The following ACBD6 variants were observed in gnomAD, a reference collection of about 807,000 sequenced individuals.
The protein encoded by ACBD6 is acyl-CoA binding domain containing 6, also known as acyl-CoA-binding domain-containing protein 6.
In ACBD6, 28 loss-of-function variants were observed where a neutral mutation model predicts 37.2. The observed-to-expected ratio is 0.75, with a 90% CI of 0.56 to 1.03. The LOEUF (loss-of-function observed/expected upper bound fraction) is 1.03, where lower values mean the gene tolerates loss of function less well. Among genes scored for constraint, ACBD6 ranks in the 50% least tolerant of loss-of-function variants. ACBD6 has a pLI of 0.00. For synonymous variants in ACBD6, 113 were observed against 126.8 expected (o/e 0.89, Z 0.73); for missense variants, 340 against 337.4 (o/e 1.01, Z -0.06).
chr1:180,403,378 G>A (rs1011817410), intron 5 of ACBD6, among the ~76,000 whole-genome samples: 4 of 152,096 alleles, frequency 2.6e-5, no homozygotes, highest in African/African-American at 9.7e-5. Context: ...CTGAATTCTA[G>A]TTAGTTATAC....
chr1:180,432,221 T>A (rs1003809579), intron 3 of ACBD6, among the ~76,000 whole-genome samples: 2 of 150,732 alleles, frequency 1.3e-5, no homozygotes, highest in African/African-American at 2.4e-5. Flanking sequence ...AAAAAAAAAA[T>A]TTATAATCCA....
At chr1:180,289,001 A>T (rs568702443) in intron 7 of ACBD6, among the ~76,000 whole-genome samples, 1 of 151,744 alleles carries the variant, frequency 6.6e-6, no homozygotes, top group South Asian at 2.1e-4. Context: ...TTTAAAAAAA[A>T]GCTGGCCCAG....
At chr1:180,435,963 T>G in intron 3 of ACBD6, 1 of 1,159,012 alleles carries the variant, frequency 8.6e-7, no homozygotes, top group Non-Finnish European at 1.3e-6. Flanking sequence ...GTACAATTGT[T>G]TAATTTTAAA....
At chr1:180,448,678 T>C (rs1309250449) in intron 3 of ACBD6, among the ~76,000 whole-genome samples, 1 of 152,206 alleles carries the variant, frequency 6.6e-6, no homozygotes, top group Admixed American at 6.5e-5. Context: ...CAGCCATGAA[T>C]TGAAGTGCAT....
chr1:180,379,465 G>C (rs1653561393), intron 6 of ACBD6, among the ~76,000 whole-genome samples: 1 of 152,050 alleles, frequency 6.6e-6, no homozygotes, highest in African/African-American at 2.4e-5. Flanking sequence ...AATAAGCTCA[G>C]TGAAATACAA....
chr1:180,364,148 G>A (rs1290852077), intron 6 of ACBD6, among the ~76,000 whole-genome samples: 2 of 152,036 alleles, frequency 1.3e-5, no homozygotes, highest in Non-Finnish European at 2.9e-5. Flanking sequence ...GGCTAATATT[G>A]GGCTAATATA....
At chr1:180,433,071 C>T (rs1157160135) in intron 3 of ACBD6, among the ~76,000 whole-genome samples, 1 of 152,112 alleles carries the variant, frequency 6.6e-6, no homozygotes, top group Non-Finnish European at 1.5e-5. Context: ...GTCTTATCCT[C>T]ACATCAAAGC....
At chr1:180,395,467 T>C (rs539782688) in intron 6 of ACBD6, among the ~76,000 whole-genome samples, 3 of 151,384 alleles carry the variant, frequency 2.0e-5, no homozygotes, top group African/African-American at 7.3e-5. Flanking sequence ...TGTTGTGTGA[T>C]TTTTTTTTAT....
At chr1:180,453,437 A>ATTGCCCAT in intron 3 of ACBD6, among the ~76,000 whole-genome samples, 1 of 152,240 alleles carries the variant, frequency 6.6e-6, no homozygotes, top group Middle Eastern at 3.2e-3. Flanking sequence ...CACAGCCAAT[A>ATTGCCCAT]TCATATTGAA....
chr1:180,278,119 G>A (rs916022484), intron 9 of ACBD6: 7 of 152,134 alleles, frequency 4.6e-5, no homozygotes, highest in African/African-American at 1.2e-4. Flanking sequence ...CACGTGCCAC[G>A]ACTGACAACT....
At position 180,369,429 on chromosome 1, in the gene ACBD6, TGGAAG is replaced by T. The variant is rs1266840170; in HGVS notation, c.663+28082_663+28086del. 3.5e-4 allele frequency among the ~76,000 whole-genome samples: 53 copies of T among 152,278 alleles called. No homozygotes were observed. The East Asian group carries it at 8.1e-3, about 23-fold the overall frequency. On this transcript the variant is annotated intron_variant, in intron 6 of 7. Coordinates refer to ENST00000367595, the MANE Select transcript of ACBD6 (RefSeq NM_032360.4). ...TATATAAAGTCCACTGCATAACTGA[TGGAAG>T]ATGTGATTTTAAAAGTACTAAGCAG...
chr1:180,478,302 A>G (rs1267176098), intron 3 of ACBD6, among the ~76,000 whole-genome samples: 3 of 152,200 alleles, frequency 2.0e-5, no homozygotes, highest in Non-Finnish European at 4.4e-5. Flanking sequence ...ACACAAAATA[A>G]GCATAATTGA....
At chr1:180,338,739 A>G (rs1243081097) in intron 6 of ACBD6, among the ~76,000 whole-genome samples, 1 of 152,232 alleles carries the variant, frequency 6.6e-6, no homozygotes, top group Non-Finnish European at 1.5e-5. Context: ...CAGAGTGAAT[A>G]GGCAACCTAC....
At chr1:180,287,878 T>C (rs1264484047), downstream of ACBD6, among the ~76,000 whole-genome samples, 1 of 152,196 alleles carries the variant, frequency 6.6e-6, no homozygotes, top group East Asian at 1.9e-4. Context: ...TTAACATCCC[T>C]CTTCTTTCCT....
At chr1:180,425,977 T>G (rs1205267104) in intron 4 of ACBD6, among the ~76,000 whole-genome samples, 1 of 152,220 alleles carries the variant, frequency 6.6e-6, no homozygotes, top group African/African-American at 2.4e-5. Flanking sequence ...ATTTTCAAAA[T>G]CCATTATTGT....
rs140341601 is a variant in ACBD6, at chr1:180,469,936, T to C, written c.384+22333A>G. The stretch of plus-strand genomic sequence containing the variant: ...TATATAATTTCAATGAATTACAATC[T>C]TCCTTCACAACTTTAAAGCATAATA... On this transcript the variant is annotated intron_variant, in intron 3 of 7. Transcript: ENST00000367595. Among the ~76,000 whole-genome samples the C allele has an allele frequency of 6.3e-3, 956 of 152,300 alleles. 6 individuals are homozygous for C. The highest frequency in any genetic ancestry group is 0.013 in the Admixed American group (192 of 15,294).
chr1:180,445,165 TG>T (rs1337286661), intron 3 of ACBD6, among the ~76,000 whole-genome samples: 2 of 152,232 alleles, frequency 1.3e-5, no homozygotes, highest in Non-Finnish European at 2.9e-5. Context: ...GTGGCCATTT[TG>T]TAAGTGTTAG....
intron 3 of ACBD6, among the ~76,000 whole-genome samples, chr1:180,463,715 A>C (rs1343147004): frequency 2.6e-5 from 4 of 152,182 alleles, no homozygotes; most frequent in Non-Finnish European, 4.4e-5. Flanking sequence ...CATGAGGCCA[A>C]CATCATCCTG....
downstream of ACBD6, chr1:180,288,218 G>T: frequency 8.7e-7 from 1 of 1,147,636 alleles, no homozygotes; most frequent in Non-Finnish European, 1.3e-6. Context: ...ATGAATTGCT[G>T]AGACTTCAAA....
Sources: gnomAD v4.1 joint callset for allele counts (sites outside exome capture counted in the v4.1 genomes callset) on GRCh38, gnomAD v4.1.1 for gene constraint, MANE v1.5 for transcripts, NCBI Gene and HGNC (gene_info 2026-07-23, HGNC 2026-07-21) for gene names.